Variants in SRSF8 observed in about 807,000 individuals in gnomAD.
SRSF8 encodes the protein serine and arginine rich splicing factor 8, also known as serine/arginine-rich splicing factor 8.
Under a neutral mutation model 2.0 loss-of-function variants are expected in SRSF8, and 3 were observed. That is an observed-to-expected ratio of 1.47 (90% CI 0.67 to 3.79). The LOEUF is 3.79. Among genes scored for constraint, SRSF8 ranks in the 30% most tolerant of loss-of-function variants. SRSF8 has a pLI of 0.02. For synonymous variants in SRSF8, 162 were observed against 170.7 expected (o/e 0.95, Z 0.40); for missense variants, 408 against 410.9 (o/e 0.99, Z 0.06).
chr11:95,067,838 C>T lies in SRSF8; in HGVS notation c.612C>T (p.His204=), dbSNP rs781896756. 1.2e-6 allele frequency: 2 copies of T among 1,614,038 alleles called. No homozygotes were observed. ...GTAACTCTCGCTACAGCCGATATCA[C>T]AGCAGCCGGTCTCACTCGAAGTCTG... ...GYSNSRYSRY[H]SSRSHSKSGS... The change falls in exon 1 of 1, where the codon CAC becomes CAT. Residue 204 remains histidine, a synonymous_variant. Coordinates refer to ENST00000587424, the MANE Select transcript of SRSF8 (RefSeq NM_032102.4).
In SRSF8 at chr11:95,067,607, C is replaced by A; in HGVS notation, c.381C>A (p.Ser127Arg). 6.4e-7 allele frequency: 1 copy of A among 1,560,204 alleles called. No homozygotes were observed. The highest frequency in any genetic ancestry group is 8.7e-7 in the Non-Finnish European group (1 of 1,153,678). The change falls in exon 1 of 1, where the codon AGC (serine) becomes AGA (arginine). Residue 127 changes from serine (S) to arginine (R), a missense_variant. Ser to Arg is a moderately radical substitution (Grantham distance 110, BLOSUM62 -1). Transcript: ENST00000587424. ...RSRSYGRRSR[S>R]PRRRHRSRSR... ...GCAGCTACGGGCGGCGGAGCCGCAG[C>A]CCCAGGCGGCGACACCGCAGCCGAT...
Position 95,067,656 on chromosome 11 carries a change from T to C in SRSF8, c.430T>C (p.Ser144Pro). 1 of 1,608,660 alleles carries C rather than the reference T, an allele frequency of 6.2e-7. No individual in the cohort carries two copies. Among genetic ancestry groups the C allele is most frequent in the Non-Finnish European group, 8.5e-7 (1 of 1,177,530 alleles). ...ATCCCGGGGTCCCAGCTGCTCCAGG[T>C]CCCGCAGCCGATCTCGCTATAGGGG... Reference protein sequence around the residue: ...SRSRGPSCSRSRSRSRYRGSR... With the variant: ...SRSRGPSCSRPRSRSRYRGSR... Residue 144 changes from serine (S) to proline (P), a missense_variant, in exon 1 of 1, where the codon TCC (serine) becomes CCC (proline). Transcript: ENST00000587424.
In SRSF8 at chr11:95,067,447, C is replaced by A. The variant is rs781974296; in HGVS notation, c.221C>A (p.Ala74Asp). ...CGCGACGCCCAAGACGCCGAGGCCG[C>A]CATGGACGGGGCGGAGCTGGACGGA... ...DRRDAQDAEAAMDGAELDGRE... is the reference protein window; with the variant it reads ...DRRDAQDAEADMDGAELDGRE... Residue 74 changes from alanine to aspartate, a missense_variant, in exon 1 of 1, where the codon GCC becomes GAC. Physicochemically the swap from Ala to Asp is moderately radical, Grantham distance 126. Coordinates refer to ENST00000587424, the MANE Select transcript of SRSF8 (RefSeq NM_032102.4). 3.2e-6 allele frequency: 5 copies of A among 1,544,472 alleles called. No individual in the cohort carries two copies. Among genetic ancestry groups the A allele is most frequent in the Non-Finnish European group, 4.4e-6 (5 of 1,146,730 alleles).
At position 95,067,463 on chromosome 11, in the gene SRSF8, G is replaced by C. The variant is rs1858664737; in HGVS notation, c.237G>C (p.Glu79Asp). The C allele has an allele frequency of 1.3e-6, 2 of 1,531,580 alleles. No homozygotes were observed. Among genetic ancestry groups the C allele is most frequent in the Admixed American group, 2.0e-5 (1 of 49,380 alleles). The allele number at this position is 1,531,580 out of a possible 1,614,324, so 94.9% of individuals were successfully genotyped here. ...QDAEAAMDGA[E>D]LDGRELRVQV... ...CCGAGGCCGCCATGGACGGGGCGGA[G>C]CTGGACGGACGCGAGCTGCGGGTGC... Residue 79 changes from glutamate to aspartate, a missense_variant, in exon 1 of 1, where the codon GAG (glutamate) becomes GAC (aspartate). Physicochemically the swap from Glu to Asp is conservative, Grantham distance 45. Coordinates refer to ENST00000587424, the MANE Select transcript of SRSF8 (RefSeq NM_032102.4).
At position 95,067,446 on chromosome 11, in the gene SRSF8, G is replaced by A; in HGVS notation, c.220G>A (p.Ala74Thr). 11 of 1,543,074 alleles carry A rather than the reference G, an allele frequency of 7.1e-6. No homozygotes were observed. The highest frequency in any genetic ancestry group is 2.3e-4 in the Middle Eastern group (1 of 4,368). Residue 74 changes from alanine (A) to threonine (T), a missense_variant, in exon 1 of 1, where the codon GCC becomes ACC. By Grantham distance (58) the Ala-to-Thr change is moderately conservative. Transcript: ENST00000587424. ...DRRDAQDAEA[A>T]MDGAELDGRE... Reference sequence around the variant, plus strand: ...GCGCGACGCCCAAGACGCCGAGGCCGCCATGGACGGGGCGGAGCTGGACGG... The same window carrying A: ...GCGCGACGCCCAAGACGCCGAGGCCACCATGGACGGGGCGGAGCTGGACGG...
In SRSF8 at chr11:95,068,356, C is replaced by G; in HGVS notation, c.*281C>G. The G allele has an allele frequency of 2.5e-6, 1 of 398,350 alleles. No individual in the cohort carries two copies. Among genetic ancestry groups the G allele is most frequent in the South Asian group, 3.1e-5 (1 of 32,240 alleles). The allele number at this position is 398,350 out of a possible 1,614,324, so 24.7% of individuals were successfully genotyped here. On this transcript the variant is annotated 3_prime_UTR_variant, in exon 1 of 1. Transcript: ENST00000587424. The stretch of plus-strand genomic sequence containing the variant: ...TTGAGGCAAAAATTTATTTTTATTT[C>G]TATAGTGATGACTGTTTTGGTTTGA...
rs995485289 is a variant in SRSF8, at chr11:95,069,908, G to C, written c.*1833G>C. 6.6e-5 allele frequency: 11 copies of C among 167,018 alleles called. No individual in the cohort carries two copies. Among genetic ancestry groups the C allele is most frequent in the Non-Finnish European group, 1.0e-4 (7 of 68,128 alleles). The allele number at this position is 167,018 out of a possible 1,614,324, so 10.3% of individuals were successfully genotyped here. A position where few individuals can be genotyped will look rare whatever the true frequency, so the allele number is the denominator to read the frequency against. On this transcript the variant is annotated 3_prime_UTR_variant, in exon 1 of 1. Coordinates refer to ENST00000587424, the MANE Select transcript of SRSF8 (RefSeq NM_032102.4). ...TTTATTAAATGGGACCGAGTGGGAC[G>C]GGGACGGGGCAGCCCTAAGGGTAGG...
In SRSF8 at chr11:95,067,969, C is replaced by T; in HGVS notation, c.743C>T (p.Ser248Phe). ...TCTCGCTCGCGGTCCAGGTCTTCAT[C>T]TATGACCAGGAGTCCTCCCCGGGTA... ...SRSRSRSRSS[S>F]MTRSPPRVSK... Residue 248 changes from serine (S) to phenylalanine (F), a missense_variant, in exon 1 of 1, where the codon TCT becomes TTT. Ser to Phe is a radical substitution (Grantham distance 155). Coordinates refer to ENST00000587424, the MANE Select transcript of SRSF8 (RefSeq NM_032102.4). 6.2e-7 allele frequency: 1 copy of T among 1,614,018 alleles called. No individual in the cohort carries two copies. The highest frequency in any genetic ancestry group is 8.5e-7 in the Non-Finnish European group (1 of 1,179,904).
chr11:95,067,607 C>T lies in SRSF8; in HGVS notation c.381C>T (p.Ser127=). The change falls in exon 1 of 1, where the codon AGC becomes AGT. Residue 127 remains serine, a synonymous_variant. Coordinates refer to ENST00000587424, the MANE Select transcript of SRSF8 (RefSeq NM_032102.4). ...GCAGCTACGGGCGGCGGAGCCGCAG[C>T]CCCAGGCGGCGACACCGCAGCCGAT... ...RSRSYGRRSR[S]PRRRHRSRSR... 2 of 1,560,204 alleles carry T rather than the reference C, an allele frequency of 1.3e-6. No homozygotes were observed. The highest frequency in any genetic ancestry group is 1.7e-6 in the Non-Finnish European group (2 of 1,153,678).
rs1555107112 is a variant in SRSF8, at chr11:95,067,609, C to T, written c.383C>T (p.Pro128Leu). The T allele has an allele frequency of 6.4e-7, 1 of 1,561,324 alleles. No homozygotes were observed. Among genetic ancestry groups the T allele is most frequent in the South Asian group, 1.2e-5 (1 of 85,724 alleles). ...AGCTACGGGCGGCGGAGCCGCAGCCCCAGGCGGCGACACCGCAGCCGATCC... is the reference window on the plus strand; with the variant it reads ...AGCTACGGGCGGCGGAGCCGCAGCCTCAGGCGGCGACACCGCAGCCGATCC... ...SRSYGRRSRS[P>L]RRRHRSRSRG... is the part of the protein sequence containing the mutation. The change falls in exon 1 of 1, where the codon CCC becomes CTC. Residue 128 changes from proline (P) to leucine (L), a missense_variant. By Grantham distance (98) the Pro-to-Leu change is moderately conservative (BLOSUM62 -3). Around this residue, in one of 2 missense-constraint regions of SRSF8, gnomAD observed 346 missense variants for 316.5 expected, o/e 1.09. Coordinates refer to ENST00000587424, the MANE Select transcript of SRSF8 (RefSeq NM_032102.4).
rs781876770 is a variant in SRSF8, at chr11:95,067,232, C to A, written c.6C>A (p.Ser2Arg). 43 of 1,525,040 alleles carry A rather than the reference C, an allele frequency of 2.8e-5. No homozygotes were observed. Among genetic ancestry groups the A allele is most frequent in the Non-Finnish European group, 3.5e-5 (40 of 1,131,160 alleles). The allele number at this position is 1,525,040 out of a possible 1,614,324, so 94.5% of individuals were successfully genotyped here. A position where few individuals can be genotyped will look rare whatever the true frequency, so the allele number is the denominator to read the frequency against. Residue 2 changes from serine to arginine, a missense_variant, in exon 1 of 1, where the codon AGC becomes AGA. This residue lies in a region of SRSF8 where 62 missense variants were observed against 94.4 expected (regional missense o/e 0.66). Coordinates refer to ENST00000587424, the MANE Select transcript of SRSF8 (RefSeq NM_032102.4). Reference protein sequence around the residue: MSCGRPPPDVDG... With the variant: MRCGRPPPDVDG... ...CCCGGGCTGCTCTCGGAGCCATGAG[C>A]TGCGGCCGCCCCCCTCCCGACGTGG...
At position 95,067,939 on chromosome 11, in the gene SRSF8, C is replaced by G. The variant is rs577282908; in HGVS notation, c.713C>G (p.Ser238Cys). 45 of 1,614,046 alleles carry G rather than the reference C, an allele frequency of 2.8e-5. No individual in the cohort carries two copies. In the East Asian group the frequency reaches 9.8e-4, roughly 35 times the overall value. Residue 238 changes from serine (S) to cysteine (C), a missense_variant, in exon 1 of 1, where the codon TCC becomes TGC. Around this residue, in one of 2 missense-constraint regions of SRSF8, gnomAD observed 346 missense variants for 316.5 expected, o/e 1.09. Transcript: ENST00000587424. Reference protein sequence around the residue: ...SARRSKSSSVSRSRSRSRSSS... With the variant: ...SARRSKSSSVCRSRSRSRSSS... ...CGACGATCCAAGTCCTCCTCGGTCT[C>G]CAGGTCTCGCTCGCGGTCCAGGTCT... is the stretch of plus-strand genomic sequence containing the variant.
Position 95,067,354 on chromosome 11 carries a change from T to G in SRSF8, c.128T>G (p.Val43Gly), listed in dbSNP as rs1370676232. Residue 43 changes from valine (V) to glycine (G), a missense_variant, in exon 1 of 1, where the codon GTG (valine) becomes GGG (glycine). Around this residue, in one of 2 missense-constraint regions of SRSF8, gnomAD observed 62 missense variants for 94.4 expected, o/e 0.66. Coordinates refer to ENST00000587424, the MANE Select transcript of SRSF8 (RefSeq NM_032102.4). Reference protein sequence around the residue: ...VFEKYGRVGDVYIPREPHTKA... With the variant: ...VFEKYGRVGDGYIPREPHTKA... ...GAGAAGTACGGGCGCGTGGGCGACGTGTACATCCCGCGGGAGCCCCACACC... is the reference window on the plus strand; with the variant it reads ...GAGAAGTACGGGCGCGTGGGCGACGGGTACATCCCGCGGGAGCCCCACACC... 3 of 1,603,338 alleles carry G rather than the reference T, an allele frequency of 1.9e-6. No homozygotes were observed. Among genetic ancestry groups the G allele is most frequent in the Non-Finnish European group, 2.5e-6 (3 of 1,176,988 alleles).
Position 95,067,795 on chromosome 11 carries a change from A to G in SRSF8, c.569A>G (p.Tyr190Cys). The G allele has an allele frequency of 6.2e-7, 1 of 1,613,992 alleles. No homozygotes were observed. The highest frequency in any genetic ancestry group is 8.5e-7 in the Non-Finnish European group (1 of 1,179,874). ...GAATCTCGCTACGGCGGATCTCACT[A>G]CAGCTCATCTGGTTACAGTAACTCT... ...YRESRYGGSH[Y>C]SSSGYSNSRY... is the part of the protein sequence containing the mutation. Residue 190 changes from tyrosine (Y) to cysteine (C), a missense_variant, in exon 1 of 1, where the codon TAC becomes TGC. This residue lies in a region of SRSF8 where 346 missense variants were observed against 316.5 expected (regional missense o/e 1.09). Coordinates refer to ENST00000587424, the MANE Select transcript of SRSF8 (RefSeq NM_032102.4).
chr11:95,068,111 C>G lies in SRSF8; in HGVS notation c.*36C>G. The G allele has an allele frequency of 6.4e-7, 1 of 1,567,636 alleles. No homozygotes were observed. The highest frequency in any genetic ancestry group is 1.2e-5 in the South Asian group (1 of 86,154). On this transcript the variant is annotated 3_prime_UTR_variant, in exon 1 of 1. Transcript: ENST00000587424. ...CATCAGGAAGCAACGTGATGGAGGA[C>G]TTGGGGGAAAAGGATCACATACTCA...
At position 95,067,232 on chromosome 11, in the gene SRSF8, C is replaced by T. The variant is rs781876770; in HGVS notation, c.6C>T (p.Ser2=). 1.3e-5 allele frequency: 20 copies of T among 1,525,158 alleles called. No homozygotes were observed. The highest frequency in any genetic ancestry group is 1.7e-5 in the Non-Finnish European group (19 of 1,131,152). 94.5% of individuals were successfully genotyped at this position (1,525,158 alleles called of 1,614,324 possible). A position where few individuals can be genotyped will look rare whatever the true frequency, so the allele number is the denominator to read the frequency against. M[S]CGRPPPDVDG... The stretch of plus-strand genomic sequence containing the variant: ...CCCGGGCTGCTCTCGGAGCCATGAG[C>T]TGCGGCCGCCCCCCTCCCGACGTGG... The change falls in exon 1 of 1, where the codon AGC becomes AGT. Residue 2 remains serine (S), a synonymous_variant. Transcript: ENST00000587424.
rs781871707 is a variant in SRSF8 at position 95,067,423 on chromosome 11, G to A, written c.197G>A (p.Arg66His). 3.8e-5 allele frequency: 60 copies of A among 1,558,686 alleles called. No individual in the cohort carries two copies. Among genetic ancestry groups the A allele is most frequent in the Non-Finnish European group, 4.9e-5 (56 of 1,154,460 alleles). ...GCTTTCGTCCGCTTTCACGACCGGC[G>A]CGACGCCCAAGACGCCGAGGCCGCC... ...GFAFVRFHDR[R>H]DAQDAEAAMD... Residue 66 changes from arginine to histidine, a missense_variant, in exon 1 of 1, where the codon CGC becomes CAC. Around this residue, in one of 2 missense-constraint regions of SRSF8, gnomAD observed 346 missense variants for 316.5 expected, o/e 1.09. Coordinates refer to ENST00000587424, the MANE Select transcript of SRSF8 (RefSeq NM_032102.4).
Position 95,070,784 on chromosome 11 carries a change from A to G in SRSF8, c.*2709A>G, listed in dbSNP as rs1363365138. ...ATAAATAGACATATTCAGGAAATATATTGATCTTAGATCTAATAAGACACG... is the reference window on the plus strand; with the variant it reads ...ATAAATAGACATATTCAGGAAATATGTTGATCTTAGATCTAATAAGACACG... On this transcript the variant is annotated 3_prime_UTR_variant, in exon 1 of 1. Transcript: ENST00000587424. 3 of 167,106 alleles carry G rather than the reference A, an allele frequency of 1.8e-5. No homozygotes were observed. The highest frequency in any genetic ancestry group is 6.5e-5 in the Admixed American group (1 of 15,286). The allele number at this position is 167,106 out of a possible 1,614,324, so 10.4% of individuals were successfully genotyped here. A position where few individuals can be genotyped will look rare whatever the true frequency, so the allele number is the denominator to read the frequency against.
In SRSF8 at chr11:95,067,127, G is replaced by A. The variant is rs1443556372; in HGVS notation, c.-100G>A. On this transcript the variant is annotated 5_prime_UTR_variant, in exon 1 of 1. Transcript: ENST00000587424. ...CCCGCCTCTCCGCCCGGCCTTTCCC[G>A]GCGTCCCCACGCGGGGCGCAACCGC... The A allele has an allele frequency of 3.3e-6, 4 of 1,195,728 alleles. No homozygotes were observed. The South Asian group carries it at 6.5e-5, about 19-fold the overall frequency. The allele number at this position is 1,195,728 out of a possible 1,614,324, so 74.1% of individuals were successfully genotyped here. A position where few individuals can be genotyped will look rare whatever the true frequency, so the allele number is the denominator to read the frequency against.
Sources: allele counts gnomAD v4.1 joint callset, GRCh38; gene constraint gnomAD v4.1.1; regional missense constraint gnomAD v4.1.1; transcripts MANE v1.5; gene names NCBI Gene and HGNC (gene_info 2026-07-23, HGNC 2026-07-21).